The following PPP1R17 variants were observed in gnomAD, a reference collection of about 807,000 sequenced individuals.
The protein encoded by PPP1R17 is G-substrate.
Under a neutral mutation model 15.9 loss-of-function variants are expected in PPP1R17, and 12 were observed. That is an observed-to-expected ratio of 0.75 (90% CI 0.48 to 1.22). PPP1R17 has a LOEUF of 1.22. Ranked by LOEUF, PPP1R17 falls within the 50% of genes most tolerant of loss-of-function variation. PPP1R17 has a pLI of 0.00. For synonymous variants in PPP1R17, 63 were observed against 64.5 expected (o/e 0.98, Z 0.11); for missense variants, 211 against 187.3 (o/e 1.13, Z -0.74).
At chr7:31,689,072 C>G (rs1332995606) in intron 1 of PPP1R17, among the ~76,000 whole-genome samples, 10 of 152,062 alleles carry the variant, frequency 6.6e-5, no homozygotes, top group Admixed American at 4.6e-4. Context: ...TCCTTGAGAC[C>G]CCTCTAGAGC....
chr7:31,687,932 C>T (rs572346811), intron 1 of PPP1R17, among the ~76,000 whole-genome samples: 7 of 152,280 alleles, frequency 4.6e-5, no homozygotes, highest in South Asian at 2.1e-4. Flanking sequence ...AGTGTCAACT[C>T]GCTTCTGAGA....
At chr7:31,695,673 G>T in intron 3 of PPP1R17, 52 bp downstream of exon 3, 3 of 1,541,338 alleles carry the variant, frequency 1.9e-6, no homozygotes, top group South Asian at 1.2e-5. Flanking sequence ...CTTGCCACTA[G>T]GTTGCATTGT....
chr7:31,700,147 G>A (rs1274365560), intron 4 of PPP1R17, among the ~76,000 whole-genome samples: 1 of 152,206 alleles, frequency 6.6e-6, no homozygotes, highest in Non-Finnish European at 1.5e-5. Context: ...AAGATAGGCT[G>A]AAAATTAGGT....
At chr7:31,687,448 A>G (rs55903339) in intron 1 of PPP1R17, 142 bp downstream of exon 1, 4,648 of 152,434 alleles carry the variant, frequency 0.03, 83 homozygotes, top group Non-Finnish European at 0.043. Flanking sequence ...CCGAGTGGAC[A>G]GCAGAAAAAG....
chr7:31,699,837 T>A (rs1445405096), intron 4 of PPP1R17, among the ~76,000 whole-genome samples: 2 of 152,144 alleles, frequency 1.3e-5, no homozygotes, highest in African/African-American at 4.8e-5. Flanking sequence ...TGATCAGTGA[T>A]GTTTGATGTT....
chr7:31,700,254 G>A (rs948376845), intron 4 of PPP1R17, among the ~76,000 whole-genome samples: 2 of 152,204 alleles, frequency 1.3e-5, no homozygotes, highest in African/African-American at 4.8e-5. Flanking sequence ...ACACAGGAAT[G>A]ATATGGAAGT....
rs144626850 is a variant in PPP1R17 at position 31,695,622 on chromosome 7, G to A, written c.235+1G>A. 17 of 1,610,826 alleles carry A rather than the reference G, an allele frequency of 1.1e-5. No individual in the cohort carries two copies. Among genetic ancestry groups the A allele is most frequent in the African/African-American group, 2.7e-5 (2 of 74,552 alleles). On this transcript the variant is annotated splice_donor_variant, in intron 3 of 4. Transcript: ENST00000342032. LOFTEE classifies it high-confidence loss of function. ...CTGCACATCCCACCTTTCATACCAG[G>A]TAATGGACAAAGTCATCTGCACAGC...
chr7:31,695,116 G>C (rs1046210008), intron 2 of PPP1R17, among the ~76,000 whole-genome samples: 10 of 150,634 alleles, frequency 6.6e-5, no homozygotes, highest in Middle Eastern at 6.8e-3. Context: ...TGAGCAAAAA[G>C]AATGGAGGCG....
chr7:31,696,960 T>A lies in PPP1R17; in HGVS notation c.236-5T>A. On this transcript the variant is annotated splice_polypyrimidine_tract_variant and splice_region_variant and intron_variant, in intron 3 of 4. Transcript: ENST00000342032. ...GTTTCTCTCTGTGTTCCCCTAACCA[T>A]GCAGGTGTGTTTTCAGAACATTTAA... The A allele has an allele frequency of 6.2e-7, 1 of 1,613,916 alleles. No individual in the cohort carries two copies. The highest frequency in any genetic ancestry group is 8.5e-7 in the Non-Finnish European group (1 of 1,179,868).
intron 4 of PPP1R17, among the ~76,000 whole-genome samples, chr7:31,699,783 TTTATTA>T (rs907004299): frequency 5.9e-5 from 9 of 152,160 alleles, no homozygotes; most frequent in South Asian, 2.1e-4. Context: ...TGTTTAGAAT[TTTATTA>T]TTATTATTAT....
At chr7:31,696,410 G>T (rs1056678861) in intron 3 of PPP1R17, among the ~76,000 whole-genome samples, 1 of 152,190 alleles carries the variant, frequency 6.6e-6, no homozygotes, top group African/African-American at 2.4e-5. Context: ...AAAAAGGACT[G>T]TTGGAGCTCA....
At chr7:31,688,149 C>A (rs1170121953) in intron 1 of PPP1R17, among the ~76,000 whole-genome samples, 1 of 152,128 alleles carries the variant, frequency 6.6e-6, no homozygotes, top group Non-Finnish European at 1.5e-5. Flanking sequence ...GTGTGTAGGA[C>A]CTGGGCTCGG....
rs542896484 is a variant in PPP1R17, at chr7:31,697,110, T to C, written c.381T>C (p.Phe127=). 44 of 1,613,758 alleles carry C rather than the reference T, an allele frequency of 2.7e-5. 1 individual carries two copies. In the South Asian group the frequency reaches 4.6e-4, roughly 17 times the overall value. ...CACCTGCCCTGCACATGTCCCCCTT[T>C]GCAGCAGGTAAAAAAGCTGGTGCAG... ...KDTPALHMSP[F]AAGVTLLRDE... Residue 127 remains phenylalanine (F), a synonymous_variant, in exon 4 of 5, where the codon TTT becomes TTC. Coordinates refer to ENST00000342032, the MANE Select transcript of PPP1R17 (RefSeq NM_006658.5).
chr7:31,701,639 T>C (rs1344508946), intron 4 of PPP1R17, among the ~76,000 whole-genome samples: 1 of 152,212 alleles, frequency 6.6e-6, no homozygotes, highest in Non-Finnish European at 1.5e-5. Context: ...CAAACTCTAT[T>C]GTTAAAGGAA....
At chr7:31,691,690 G>C (rs1792349625) in intron 1 of PPP1R17, among the ~76,000 whole-genome samples, 1 of 147,676 alleles carries the variant, frequency 6.8e-6, no homozygotes, top group South Asian at 2.2e-4. Flanking sequence ...AGAAAATAAA[G>C]ATCTATCCAA....
intron 3 of PPP1R17, 70 bp from the exon 4 acceptor site, chr7:31,696,895 T>C (rs1235875215): frequency 1.3e-6 from 2 of 1,514,948 alleles, no homozygotes; most frequent in Non-Finnish European, 1.8e-6. Context: ...TCTATAAATA[T>C]GCACAGTCCT....
rs1346892697 is a variant in PPP1R17, at chr7:31,707,745, T to A, written c.*462T>A. ...AATGTTTGGACTCTAACTCACCGAT[T>A]GCTTTGCAGACAAAGGTCTTTTATT... On this transcript the variant is annotated 3_prime_UTR_variant, in exon 5 of 5. Transcript: ENST00000342032. The A allele has an allele frequency of 6.3e-6, 1 of 158,022 alleles. No homozygotes were observed. Among genetic ancestry groups the A allele is most frequent in the East Asian group, 1.9e-4 (1 of 5,324 alleles). 9.8% of individuals were successfully genotyped at this position (158,022 alleles called of 1,614,324 possible).
At chr7:31,690,344 G>C (rs948353909) in intron 1 of PPP1R17, among the ~76,000 whole-genome samples, 1 of 152,194 alleles carries the variant, frequency 6.6e-6, no homozygotes, top group Non-Finnish European at 1.5e-5. Flanking sequence ...ACTCCACCCA[G>C]TAGGTATTAT....
At chr7:31,687,735 T>C (rs926904046) in intron 1 of PPP1R17, among the ~76,000 whole-genome samples, 1 of 152,226 alleles carries the variant, frequency 6.6e-6, no homozygotes, top group African/African-American at 2.4e-5. Context: ...CGGTACTTTT[T>C]GACCTGAATT....
Sources: gnomAD v4.1 joint callset for allele counts (sites outside exome capture counted in the v4.1 genomes callset) on GRCh38, gnomAD v4.1.1 for gene constraint, MANE v1.5 for transcripts, NCBI Gene and HGNC (gene_info 2026-07-23, HGNC 2026-07-21) for gene names.